VIPR2: variants seen among roughly 807,000 people sequenced by gnomAD.
VIPR2 encodes the protein vasoactive intestinal polypeptide receptor 2.
VIPR2 carries 48 observed loss-of-function variants against 58.0 expected under a neutral mutation model. The ratio of observed to expected loss-of-function variants is 0.83; its 90% confidence interval spans 0.66 to 1.05. VIPR2 has a LOEUF of 1.05. VIPR2 is among the 50% of genes least tolerant of loss of function. The probability of loss-of-function intolerance (pLI) is 0.00; values close to 1 mark genes in which losing one functional copy is unlikely to be tolerated. For missense variants in VIPR2, 534 were observed against 558.0 expected (o/e 0.96, Z 0.43); for synonymous variants, 243 against 235.2 (o/e 1.03, Z -0.30).
At position 159,086,753 on chromosome 7, in the gene VIPR2, C is replaced by T. The variant is rs143955631; in HGVS notation, c.357+17004G>A. Among the ~76,000 whole-genome samples the T allele has an allele frequency of 1.7e-3, 266 of 152,292 alleles. 3 individuals carry two copies. The highest frequency in any genetic ancestry group is 0.01 in the Middle Eastern group (3 of 294). The stretch of plus-strand genomic sequence containing the variant: ...GCGCCTGCCCAGGACCCTTGGCTCA[C>T]GGTGCTTGCTTCCCACCCCGTAGGA... On this transcript the variant is annotated intron_variant, in intron 4 of 12. Coordinates refer to ENST00000262178, the MANE Select transcript of VIPR2 (RefSeq NM_003382.5).
Position 159,096,701 on chromosome 7 carries a change from G to C in VIPR2, c.357+7056C>G. 7.7e-7 allele frequency: 1 copy of C among 1,295,456 alleles called. No individual in the cohort carries two copies. Among genetic ancestry groups the C allele is most frequent in the Non-Finnish European group, 1.0e-6 (1 of 992,116 alleles). The allele number at this position is 1,295,456 out of a possible 1,614,324, so 80.2% of individuals were successfully genotyped here. On this transcript the variant is annotated intron_variant, in intron 4 of 12. Coordinates refer to ENST00000262178, the MANE Select transcript of VIPR2 (RefSeq NM_003382.5). The surrounding 1 kb of genome is among the most constrained non-coding windows in gnomAD (Gnocchi z 5.5). ...CAGGTTAAAACTAAACAGCAGAAAA[G>C]TGCTCATAATCCTGTCTGGTTGTGC...
At chr7:159,091,126 C>T (rs12669515) in intron 4 of VIPR2, among the ~76,000 whole-genome samples, 12,481 of 152,346 alleles carry the variant, frequency 0.082, 560 homozygotes, top group Middle Eastern at 0.13. Context: ...TTTACCAAAC[C>T]GGTAAAGCCT....
At chr7:159,104,016 A>G (rs1287153875) in intron 3 of VIPR2, among the ~76,000 whole-genome samples, 162 bp from the exon 4 acceptor site, 2 of 152,136 alleles carry the variant, frequency 1.3e-5, no homozygotes, top group Admixed American at 1.3e-4. Flanking sequence ...TTGCCCTCCT[A>G]GTCCATGTGA....
rs568920326 is a variant in VIPR2 at position 159,140,529 on chromosome 7, G to A, written c.151+1917C>T. Among the ~76,000 whole-genome samples the A allele has an allele frequency of 3.3e-5, 5 of 152,300 alleles. No homozygotes were observed. In the East Asian group the frequency reaches 5.8e-4, roughly 18 times the overall value. The stretch of plus-strand genomic sequence containing the variant: ...GCAGTGTCTTGTTACCAAGTACTTC[G>A]TGCAAGTCAAAAAGGTAAAACAGAT... On this transcript the variant is annotated intron_variant, in intron 2 of 12. Coordinates refer to ENST00000262178, the MANE Select transcript of VIPR2 (RefSeq NM_003382.5).
At chr7:159,129,336 G>A (rs1280574782) in intron 2 of VIPR2, among the ~76,000 whole-genome samples, 2 of 130,122 alleles carry the variant, frequency 1.5e-5, no homozygotes, top group Non-Finnish European at 3.2e-5. Flanking sequence ...ACTGGACTCT[G>A]GTGGGGACAG....
At chr7:159,034,754 G>A (rs562306184) in intron 8 of VIPR2, 104 bp from the exon 9 acceptor site, 45 of 862,582 alleles carry the variant, frequency 5.2e-5, no homozygotes, top group South Asian at 4.0e-4. Flanking sequence ...TCCCCTCACC[G>A]TGGAAGCACA....
chr7:159,051,337 T>G (rs1854991914), intron 5 of VIPR2, among the ~76,000 whole-genome samples: 1 of 152,214 alleles, frequency 6.6e-6, no homozygotes, highest in African/African-American at 2.4e-5. Context: ...GTGGTAAAAG[T>G]AGTTACTGGA....
chr7:159,113,279 G>A (rs1796110358), intron 2 of VIPR2, among the ~76,000 whole-genome samples: 1 of 151,564 alleles, frequency 6.6e-6, no homozygotes, highest in African/African-American at 2.4e-5. Flanking sequence ...AAGACACTGT[G>A]AAACTTCCCG....
chr7:159,031,990 C>A lies in VIPR2; in HGVS notation c.1049G>T (p.Ser350Ile). 6.2e-7 allele frequency: 1 copy of A among 1,614,172 alleles called. No individual in the cohort carries two copies. The highest frequency in any genetic ancestry group is 8.5e-7 in the Non-Finnish European group (1 of 1,180,034). ...HYMVFAVFPI[S>I]ISSKYQILFE... Reference sequence around the variant, plus strand: ...CAGTATCTGGTATTTGGAGGAGATGCTGATGGGAAACACGGCAAACACCAT... The same window carrying A: ...CAGTATCTGGTATTTGGAGGAGATGATGATGGGAAACACGGCAAACACCAT... The change falls in exon 11 of 13, where the codon AGC (serine) becomes ATC (isoleucine). Residue 350 changes from serine (S) to isoleucine (I), a missense_variant. Ser to Ile is a moderately radical substitution (Grantham distance 142, BLOSUM62 -2). Transcript: ENST00000262178. The surrounding 1 kb of genome is among the most constrained non-coding windows in gnomAD (Gnocchi z 4.0).
At position 159,036,804 on chromosome 7, in the gene VIPR2, C is replaced by A. The variant is rs749070438; in HGVS notation, c.696G>T (p.Val232=). 1.9e-6 allele frequency: 3 copies of A among 1,613,786 alleles called. No individual in the cohort carries two copies. Among genetic ancestry groups the A allele is most frequent in the Non-Finnish European group, 2.5e-6 (3 of 1,179,970 alleles). ...VEGLYLHTLL[V]AMLPPRRCFL... ...AGCACCTTCTAGGGGGGAGCATGGC[C>A]ACCAGGAGGGTGTGGAGGTAGAGCC... Residue 232 remains valine (V), a synonymous_variant, in exon 7 of 13, where the codon GTG becomes GTT. Coordinates refer to ENST00000262178, the MANE Select transcript of VIPR2 (RefSeq NM_003382.5).
intron 4 of VIPR2, among the ~76,000 whole-genome samples, chr7:159,081,114 C>G (rs1482412778): frequency 1.3e-5 from 2 of 152,170 alleles, no homozygotes; most frequent in African/African-American, 2.4e-5. Flanking sequence ...TTGGAAAAAA[C>G]TACTTTAAAG....
In VIPR2 at chr7:159,047,038, C is replaced by T. The variant is rs192003354; in HGVS notation, c.456-3862G>A. On this transcript the variant is annotated intron_variant, in intron 5 of 12. Transcript: ENST00000262178. The stretch of plus-strand genomic sequence containing the variant: ...TCACCTGAGGTCAGGAGTTCAAGAC[C>T]AGCCTGACTAACAAGGTGAAACCCT... 1.7e-3 allele frequency among the ~76,000 whole-genome samples: 255 copies of T among 152,256 alleles called. 1 individual carries two copies. The highest frequency in any genetic ancestry group is 5.8e-3 in the African/African-American group (239 of 41,536).
In VIPR2 at chr7:159,097,335, G is replaced by A; in HGVS notation, c.357+6422C>T. 8.6e-7 allele frequency: 1 copy of A among 1,165,204 alleles called. No individual in the cohort carries two copies. Among genetic ancestry groups the A allele is most frequent in the East Asian group, 2.8e-5 (1 of 35,962 alleles). 72.2% of individuals were successfully genotyped at this position (1,165,204 alleles called of 1,614,324 possible). ...CATGGGGAGGCCGAAATGCCAAACA[G>A]TTCTCTTGGCTAAATTTAGCAGACG... On this transcript the variant is annotated intron_variant, in intron 4 of 12. Coordinates refer to ENST00000262178, the MANE Select transcript of VIPR2 (RefSeq NM_003382.5). This position sits in a 1 kb window ranked among gnomAD's most constrained non-coding sequence, Gnocchi z 5.3.
In VIPR2 at chr7:159,039,302, T is replaced by TACAC. The variant is rs3064495; in HGVS notation, c.598-2404_598-2401dup. On this transcript the variant is annotated intron_variant, in intron 6 of 12. Coordinates refer to ENST00000262178, the MANE Select transcript of VIPR2 (RefSeq NM_003382.5). ...AGTGAAACCCCATCTCTACTAAAAATACACACACACACACACACACACAAA... is the reference window on the plus strand; with the variant it reads ...AGTGAAACCCCATCTCTACTAAAAATACACACACACACACACACACACACACAAA... Among the ~76,000 whole-genome samples the TACAC allele has an allele frequency of 7.4e-3, 1,097 of 149,000 alleles. 6 individuals carry two copies. The highest frequency in any genetic ancestry group is 0.014 in the Middle Eastern group (4 of 282).
At chr7:159,107,264 T>A (rs959731252) in intron 3 of VIPR2, among the ~76,000 whole-genome samples, 1 of 152,102 alleles carries the variant, frequency 6.6e-6, no homozygotes, top group African/African-American at 2.4e-5. Context: ...AATTGGCAGG[T>A]GGGCACCAGG....
intron 1 of VIPR2, 100 bp downstream of exon 1, chr7:159,144,621 C>A: frequency 7.2e-7 from 1 of 1,386,118 alleles, no homozygotes; most frequent in Non-Finnish European, 9.4e-7. Context: ...CGCGCTCCAG[C>A]ACCCGGGAGG....
intron 4 of VIPR2, among the ~76,000 whole-genome samples, chr7:159,061,767 GAC>G (rs373104343): frequency 7.8e-4 from 119 of 152,354 alleles, no homozygotes; most frequent in African/African-American, 2.7e-3. Flanking sequence ...GGGAGAAGCC[GAC>G]AGACAGGAAA....
chr7:159,068,518 T>C (rs1856213473), intron 4 of VIPR2, among the ~76,000 whole-genome samples: 1 of 152,116 alleles, frequency 6.6e-6, no homozygotes. Context: ...ACAGCGTGTG[T>C]GTTTAGAAGT....
At chr7:159,070,759 T>C (rs1448138421) in intron 4 of VIPR2, among the ~76,000 whole-genome samples, 3 of 152,256 alleles carry the variant, frequency 2.0e-5, no homozygotes, top group Non-Finnish European at 2.9e-5. Flanking sequence ...TTGCAAATTA[T>C]ATTAGTTTGC....
Sources: gnomAD v4.1 joint callset for allele counts (sites outside exome capture counted in the v4.1 genomes callset) on GRCh38, gnomAD v4.1.1 for gene constraint, Gnocchi (gnomAD v3.1) non-coding constraint, MANE v1.5 for transcripts, NCBI Gene and HGNC (gene_info 2026-07-23, HGNC 2026-07-21) for gene names.